Variants in FAM13A observed in about 807,000 individuals in gnomAD.
FAM13A encodes protein FAM13A.
FAM13A carries 76 observed loss-of-function variants against 129.6 expected under a neutral mutation model. The observed-to-expected ratio is 0.59, with a 90% confidence interval of 0.49 to 0.71. FAM13A has a LOEUF of 0.71. FAM13A is among the 30% of genes least tolerant of loss of function. The pLI, the probability that FAM13A is intolerant of heterozygous loss-of-function variation, is 0.00. For missense variants in FAM13A, 1,108 were observed against 1,249.3 expected (o/e 0.89, Z 1.70); for synonymous variants, 443 against 449.9 (o/e 0.98, Z 0.20).
chr4:88,972,111 G>A (rs1200321579), intron 4 of FAM13A, among the ~76,000 whole-genome samples: 1 of 151,678 alleles, frequency 6.6e-6, no homozygotes, highest in Non-Finnish European at 1.5e-5. Context: ...CATTAGATAA[G>A]AAAAATATTT....
At chr4:88,731,844 A>G in intron 22 of FAM13A, 158 bp downstream of exon 22, 1 of 637,530 alleles carries the variant, frequency 1.6e-6, no homozygotes, top group Non-Finnish European at 2.6e-6. Flanking sequence ...AAGCATATAA[A>G]AAAAGAAATT....
At chr4:88,882,124 T>G (rs1293882276) in intron 6 of FAM13A, among the ~76,000 whole-genome samples, 1 of 151,918 alleles carries the variant, frequency 6.6e-6, no homozygotes, top group Non-Finnish European at 1.5e-5. Context: ...TACAAGAATC[T>G]CAAAGAACAT....
At chr4:88,788,034 G>T in intron 9 of FAM13A, 102 bp from the exon 10 acceptor site, 1 of 866,124 alleles carries the variant, frequency 1.2e-6, no homozygotes, top group Non-Finnish European at 1.7e-6. Context: ...ATTTCCAGTG[G>T]AAAGTCTTTA....
intron 6 of FAM13A, among the ~76,000 whole-genome samples, chr4:88,893,826 C>CAA (rs10700709): frequency 0.016 from 1,842 of 117,764 alleles, 79 homozygotes; most frequent in African/African-American, 0.043. Flanking sequence ...GACTCCGTCT[C>CAA]AAAAAAAAAA....
intron 6 of FAM13A, among the ~76,000 whole-genome samples, chr4:88,865,784 A>T (rs1435687067): frequency 6.6e-6 from 1 of 152,138 alleles, no homozygotes; most frequent in Non-Finnish European, 1.5e-5. Flanking sequence ...ACTGACAAAA[A>T]TAGATGGTAC....
intron 5 of FAM13A, among the ~76,000 whole-genome samples, chr4:88,928,354 TAGTCTA>T (rs1287756266): frequency 8.8e-6 from 1 of 113,974 alleles, no homozygotes; most frequent in Non-Finnish European, 2.3e-5. Context: ...TAAGTCCGTT[TAGTCTA>T]AAGTCCAACT....
At chr4:88,953,236 C>T (rs907283877) in intron 4 of FAM13A, among the ~76,000 whole-genome samples, 2 of 151,944 alleles carry the variant, frequency 1.3e-5, no homozygotes, top group African/African-American at 2.4e-5. Context: ...GGGCAGACCA[C>T]CTGAGGTCAA....
At chr4:88,927,026 T>C (rs896609987) in intron 5 of FAM13A, among the ~76,000 whole-genome samples, 7 of 152,258 alleles carry the variant, frequency 4.6e-5, no homozygotes, top group African/African-American at 1.7e-4. Context: ...AATTCTCCCT[T>C]GATGGACATT....
At chr4:88,964,429 A>C (rs1234977240) in intron 4 of FAM13A, among the ~76,000 whole-genome samples, 2 of 152,166 alleles carry the variant, frequency 1.3e-5, no homozygotes, top group East Asian at 3.9e-4. Context: ...GGGATTAAAA[A>C]AATATTATTA....
chr4:89,015,336 T>C (rs965296178), intron 3 of FAM13A, among the ~76,000 whole-genome samples: 3 of 152,116 alleles, frequency 2.0e-5, no homozygotes, highest in African/African-American at 7.2e-5. Flanking sequence ...ATTTGTACAC[T>C]CCCTCCCCCT....
chr4:88,941,324 C>T (rs1488370740), intron 4 of FAM13A, among the ~76,000 whole-genome samples: 2 of 152,160 alleles, frequency 1.3e-5, no homozygotes, highest in East Asian at 3.8e-4. Flanking sequence ...CTAATGTTAA[C>T]CAAACAGTTA....
At chr4:88,847,832 G>A (rs1253895057) in intron 7 of FAM13A, among the ~76,000 whole-genome samples, 2 of 152,016 alleles carry the variant, frequency 1.3e-5, no homozygotes, top group African/African-American at 4.8e-5. Flanking sequence ...AGCTACTCAG[G>A]AGGCTGAGGC....
intron 8 of FAM13A, among the ~76,000 whole-genome samples, chr4:88,800,983 A>C (rs974644745): frequency 3.3e-5 from 5 of 152,150 alleles, no homozygotes; most frequent in African/African-American, 9.6e-5. Flanking sequence ...TTTAGAAAAC[A>C]TACAATATGC....
At chr4:88,979,954 C>G (rs1761445499) in intron 4 of FAM13A, among the ~76,000 whole-genome samples, 1 of 152,014 alleles carries the variant, frequency 6.6e-6, no homozygotes. Context: ...CTGGGTGACT[C>G]CAACTCAAAA....
chr4:88,853,822 G>A (rs1738026663), intron 6 of FAM13A, among the ~76,000 whole-genome samples: 1 of 152,204 alleles, frequency 6.6e-6, no homozygotes, highest in Non-Finnish European at 1.5e-5. Flanking sequence ...GATAAAAGCA[G>A]GCAGAGGAAC....
intron 4 of FAM13A, among the ~76,000 whole-genome samples, chr4:88,973,305 TTA>T (rs912820597): frequency 2.6e-5 from 4 of 152,282 alleles, no homozygotes; most frequent in South Asian, 4.1e-4. Context: ...TCTTTTACAA[TTA>T]TACCACAGTA....
At chr4:89,030,001 G>A (rs974388211) in intron 1 of FAM13A, 15 of 179,514 alleles carry the variant, frequency 8.4e-5, no homozygotes, top group Non-Finnish European at 1.1e-4. Context: ...GAAACGCCAG[G>A]CAGATCCTGA....
chr4:89,045,406 A>T (rs139397793), intron 1 of FAM13A, among the ~76,000 whole-genome samples: 61 of 152,332 alleles, frequency 4.0e-4, no homozygotes, highest in African/African-American at 1.4e-3. Flanking sequence ...ATGCCACTTT[A>T]TGCCCCATTT....
At chr4:88,914,921 C>T (rs1749839916) in intron 5 of FAM13A, among the ~76,000 whole-genome samples, 1 of 152,160 alleles carries the variant, frequency 6.6e-6, no homozygotes. Flanking sequence ...ACACATTTTC[C>T]TATTTCTGAT....
Sources: allele counts gnomAD v4.1 joint callset (sites outside exome capture counted in the v4.1 genomes callset), GRCh38; gene constraint gnomAD v4.1.1; transcripts MANE v1.5; gene names NCBI Gene and HGNC (gene_info 2026-07-23, HGNC 2026-07-21).